Variants in CCDC60 observed in about 807,000 individuals in gnomAD.
CCDC60 encodes the protein coiled-coil domain-containing protein 60.
In CCDC60, 54 loss-of-function variants were observed where a neutral mutation model predicts 63.5. That is an observed-to-expected ratio of 0.85 (90% confidence interval 0.68 to 1.07). CCDC60 has a LOEUF of 1.07. Among genes scored for constraint, CCDC60 ranks in the 50% least tolerant of loss-of-function variants. The pLI, the probability that CCDC60 is intolerant of heterozygous loss-of-function variation, is 0.00. For synonymous variants in CCDC60, 206 were observed against 238.8 expected (o/e 0.86, Z 1.27); for missense variants, 651 against 684.3 (o/e 0.95, Z 0.54).
At chr12:119,358,679 A>C (rs769227745) in intron 1 of CCDC60, among the ~76,000 whole-genome samples, 1 of 152,194 alleles carries the variant, frequency 6.6e-6, no homozygotes, top group Non-Finnish European at 1.5e-5. Flanking sequence ...AATATCATAT[A>C]AATGAATAAT....
In CCDC60 at chr12:119,469,036, A is replaced by C. The variant is rs118014380; in HGVS notation, c.171-2958A>C. On this transcript the variant is annotated intron_variant, in intron 2 of 13. Transcript: ENST00000327554. ...CCATTTATATCTATATATTCTGTTCAAACCAAAAGGAAAACACAGGTAAAA... is the reference window on the plus strand; with the variant it reads ...CCATTTATATCTATATATTCTGTTCCAACCAAAAGGAAAACACAGGTAAAA... Among the ~76,000 whole-genome samples, 1,353 of 152,284 alleles carry C rather than the reference A, an allele frequency of 8.9e-3. 12 individuals carry two copies. The highest frequency in any genetic ancestry group is 0.015 in the Non-Finnish European group (1,004 of 68,026).
intron 2 of CCDC60, among the ~76,000 whole-genome samples, chr12:119,431,006 A>G (rs985752733): frequency 1.3e-5 from 2 of 152,136 alleles, no homozygotes; most frequent in Non-Finnish European, 2.9e-5. Flanking sequence ...TTGAACTTGG[A>G]TCTCCAAATT....
chr12:119,469,550 A>G (rs1193857175), intron 2 of CCDC60, among the ~76,000 whole-genome samples: 1 of 152,166 alleles, frequency 6.6e-6, no homozygotes, highest in Non-Finnish European at 1.5e-5. Flanking sequence ...ATGAACAACC[A>G]CACCAAGCCT....
chr12:119,531,086 C>A, intron 13 of CCDC60, 23 bp downstream of exon 13: 1 of 1,604,344 alleles, frequency 6.2e-7, no homozygotes, highest in Non-Finnish European at 8.5e-7. Flanking sequence ...TCCTTCCCCT[C>A]CACAGTGTTT....
intron 2 of CCDC60, chr12:119,448,051 C>T (rs1950572208): frequency 6.6e-6 from 1 of 151,930 alleles, no homozygotes; most frequent in African/African-American, 2.4e-5. Context: ...GTCAAGGGTA[C>T]ACATTTTCAC....
At chr12:119,395,525 C>T (rs1171968145) in intron 1 of CCDC60, among the ~76,000 whole-genome samples, 1 of 152,210 alleles carries the variant, frequency 6.6e-6, no homozygotes, top group Non-Finnish European at 1.5e-5. Flanking sequence ...ATGAGAACGG[C>T]ACCAGAGGGG....
chr12:119,366,842 GT>G (rs1284161731), intron 1 of CCDC60, among the ~76,000 whole-genome samples: 1 of 152,096 alleles, frequency 6.6e-6, no homozygotes, highest in Non-Finnish European at 1.5e-5. Context: ...AGGGTTTGTT[GT>G]TGTTGTTGTG....
intron 1 of CCDC60, among the ~76,000 whole-genome samples, chr12:119,398,501 C>T (rs1387256960): frequency 6.6e-6 from 1 of 152,214 alleles, no homozygotes; most frequent in East Asian, 1.9e-4. Flanking sequence ...GCAGCTCAGG[C>T]TGAAGGGCTC....
intron 7 of CCDC60, among the ~76,000 whole-genome samples, chr12:119,508,470 ACT>A (rs1442312329): frequency 2.6e-5 from 4 of 150,962 alleles, no homozygotes; most frequent in Admixed American, 2.6e-4. Context: ...ACAAAGCAAG[ACT>A]CTGTCTCAAA....
At chr12:119,507,138 C>T (rs760614768) in intron 7 of CCDC60, among the ~76,000 whole-genome samples, 3 of 151,888 alleles carry the variant, frequency 2.0e-5, no homozygotes, top group Non-Finnish European at 2.9e-5. Context: ...GATTGTGTGT[C>T]GCATAGATTC....
At position 119,472,154 on chromosome 12, in the gene CCDC60, AC is replaced by A. The variant is rs559574757; in HGVS notation, c.333del (p.Leu112TyrfsTer2). 993 of 1,613,968 alleles carry A rather than the reference AC, an allele frequency of 6.2e-4. 3 individuals are homozygous for A. The Middle Eastern group carries it at 9.9e-3, about 16-fold the overall frequency. On this transcript the variant is annotated frameshift_variant, in exon 3 of 14. Transcript: ENST00000327554. LOFTEE classifies it high-confidence loss of function. ...GATCTCAGAAATCCACTATGGGGAC[AC>A]CTTATTGAGGTAAGTGGATGCAGTA... is the stretch of plus-strand genomic sequence containing the variant. ...EKISEIHYGD[T>X]LLSTYDDEKL...
intron 1 of CCDC60, among the ~76,000 whole-genome samples, chr12:119,400,159 C>T (rs1417876836): frequency 2.0e-5 from 3 of 151,454 alleles, no homozygotes; most frequent in Non-Finnish European, 2.9e-5. Flanking sequence ...ACACCATTCT[C>T]CTGCCTCAGC....
chr12:119,372,740 C>T (rs1051986805), intron 1 of CCDC60, among the ~76,000 whole-genome samples: 1 of 152,126 alleles, frequency 6.6e-6, no homozygotes, highest in South Asian at 2.1e-4. Flanking sequence ...GAGATGGTTG[C>T]ATAACCCACT....
chr12:119,449,832 C>T lies in CCDC60; in HGVS notation c.170+21070C>T, dbSNP rs1009761163. On this transcript the variant is annotated intron_variant, in intron 2 of 13. Coordinates refer to ENST00000327554, the MANE Select transcript of CCDC60 (RefSeq NM_178499.5). ...CAGAAGTAACTTCTGGTGGCGGGGG[C>T]GGGCAGGTAAGGCTCATACCTAATC... Among the ~76,000 whole-genome samples, 7 of 151,910 alleles carry T rather than the reference C, an allele frequency of 4.6e-5. No homozygotes were observed. In the South Asian group the frequency reaches 6.2e-4, roughly 14 times the overall value.
At chr12:119,403,011 A>C (rs1956420727) in intron 1 of CCDC60, among the ~76,000 whole-genome samples, 2 of 152,222 alleles carry the variant, frequency 1.3e-5, no homozygotes, top group African/African-American at 2.4e-5. Flanking sequence ...ATGAGTTCCA[A>C]GTGTTCGAAC....
At chr12:119,406,125 C>T (rs1956484127) in intron 1 of CCDC60, among the ~76,000 whole-genome samples, 1 of 151,882 alleles carries the variant, frequency 6.6e-6, no homozygotes, top group African/African-American at 2.4e-5. Context: ...GAGCAGAGAT[C>T]GTGCCATTGC....
intron 6 of CCDC60, among the ~76,000 whole-genome samples, chr12:119,504,213 T>C (rs1315371134): frequency 6.6e-6 from 1 of 152,164 alleles, no homozygotes; most frequent in South Asian, 2.1e-4. Flanking sequence ...GCTATTTTCT[T>C]GCTGTGACCT....
intron 2 of CCDC60, chr12:119,429,057 C>G (rs953027751): frequency 7.1e-6 from 2 of 282,962 alleles, no homozygotes; most frequent in East Asian, 7.0e-5. Flanking sequence ...GAAAACCTTC[C>G]CTTTTTTACT....
chr12:119,523,610 T>G (rs1475053722), intron 10 of CCDC60, 83 bp from the exon 11 acceptor site: 1 of 1,584,974 alleles, frequency 6.3e-7, no homozygotes, highest in South Asian at 1.1e-5. Context: ...ACCTTGGGGC[T>G]AAGGGGGGCC....
Sources: allele counts gnomAD v4.1 joint callset (sites outside exome capture counted in the v4.1 genomes callset), GRCh38; gene constraint gnomAD v4.1.1; transcripts MANE v1.5; gene names NCBI Gene and HGNC (gene_info 2026-07-23, HGNC 2026-07-21).